KCTD1: variants seen among roughly 807,000 people sequenced by gnomAD.
KCTD1 encodes the protein BTB/POZ domain-containing protein KCTD1.
In KCTD1, 24 loss-of-function variants were observed where a neutral mutation model predicts 66.0. The ratio of observed to expected loss-of-function variants is 0.36; its 90% CI spans 0.26 to 0.51. KCTD1 has a LOEUF of 0.51. KCTD1 is among the 20% of genes least tolerant of loss of function. The pLI, the probability that KCTD1 is intolerant of heterozygous loss-of-function variation, is 0.95. For missense variants in KCTD1, 943 were observed against 1,205.2 expected (o/e 0.78, Z 3.22); for synonymous variants, 511 against 517.2 (o/e 0.99, Z 0.16).
chr18:26,593,069 A>C (rs1388024852), intron 1 of KCTD1, among the ~76,000 whole-genome samples: 1 of 152,148 alleles, frequency 6.6e-6, no homozygotes, highest in Non-Finnish European at 1.5e-5. Flanking sequence ...TGGTCTCTCC[A>C]GTCTCTCGTC....
intron 1 of KCTD1, among the ~76,000 whole-genome samples, chr18:26,637,697 G>GCGGT (rs1007836172): frequency 9.2e-5 from 14 of 152,240 alleles, no homozygotes; most frequent in African/African-American, 3.4e-4. Context: ...AGTTGATTCA[G>GCGGT]CGGTCGGCTC....
intron 1 of KCTD1, among the ~76,000 whole-genome samples, chr18:26,502,644 G>A (rs540381647): frequency 6.6e-6 from 1 of 152,188 alleles, no homozygotes; most frequent in African/African-American, 2.4e-5. Flanking sequence ...TCAATGAAGG[G>A]GTCAAACATT....
rs968619785 is a variant in KCTD1 at position 26,517,658 on chromosome 18, C to CAAAA, written c.1810-16412_1810-16409dup. On this transcript the variant is annotated intron_variant, in intron 1 of 4. Coordinates refer to ENST00000580059, the MANE Select transcript of KCTD1 (RefSeq NM_001142730.3). ...GGCAACAAGAGCGAAACTCCGTCTC[C>CAAAA]AAAAAAAAAAAAAAAAAAAAAAAAA... 1.3e-4 allele frequency among the ~76,000 whole-genome samples: 7 copies of CAAAA among 53,384 alleles called. 1 individual carries two copies. Among genetic ancestry groups the CAAAA allele is most frequent in the African/African-American group, 4.3e-4 (5 of 11,664 alleles). The allele number at this position is 53,384 out of a possible 152,430, so 35.0% of individuals were successfully genotyped here. A position where few individuals can be genotyped will look rare whatever the true frequency, so the allele number is the denominator to read the frequency against.
intron 1 of KCTD1, among the ~76,000 whole-genome samples, chr18:26,531,522 G>T (rs1203746171): frequency 6.6e-6 from 1 of 152,186 alleles, no homozygotes; most frequent in Non-Finnish European, 1.5e-5. Context: ...ACCAAAGTAT[G>T]TTTAACTTTA....
At chr18:26,610,688 GAGAAAGAGAAAGAA>G (rs545458902) in intron 1 of KCTD1, among the ~76,000 whole-genome samples, 324 of 151,652 alleles carry the variant, frequency 2.1e-3, no homozygotes, top group Non-Finnish European at 3.9e-3. Flanking sequence ...AAAGAAAAGA[GAGAAAGAGAAAGAA>G]AGAAAGAGAA....
intron 2 of KCTD1, among the ~76,000 whole-genome samples, chr18:26,482,582 G>T (rs1001355125): frequency 3.3e-5 from 5 of 152,180 alleles, no homozygotes; most frequent in Admixed American, 1.3e-4. Flanking sequence ...GCTTGAAGAG[G>T]CTGCCAATTC....
At chr18:26,600,400 C>T in intron 1 of KCTD1, 3 of 874,710 alleles carry the variant, frequency 3.4e-6, no homozygotes, top group Non-Finnish European at 5.7e-6. Context: ...CCTCAAATCC[C>T]ACCACGGTGT....
intron 1 of KCTD1, among the ~76,000 whole-genome samples, chr18:26,510,381 T>C (rs1409976290): frequency 1.3e-5 from 2 of 152,224 alleles, no homozygotes; most frequent in African/African-American, 4.8e-5. Context: ...AATAGGGTGC[T>C]TCAAAGTTGT....
chr18:26,549,192 C>A (rs1158540694), upstream of KCTD1: 2 of 985,844 alleles, frequency 2.0e-6, no homozygotes, highest in Admixed American at 6.2e-5. Context: ...GCGCAGCGGG[C>A]GAGGCTTGGG....
intron 2 of KCTD1, among the ~76,000 whole-genome samples, chr18:26,491,797 G>T (rs948828401): frequency 6.6e-6 from 1 of 152,166 alleles, no homozygotes; most frequent in Non-Finnish European, 1.5e-5. Flanking sequence ...AGAAGAAAGT[G>T]GCTTGAAATA....
upstream of KCTD1, among the ~76,000 whole-genome samples, chr18:26,643,734 G>A (rs557392475): frequency 3.9e-5 from 6 of 152,238 alleles, no homozygotes; most frequent in South Asian, 2.1e-4. Flanking sequence ...AGGCCAAGGC[G>A]GGCATATCAC....
chr18:26,630,973 G>A (rs1987606675), upstream of KCTD1, among the ~76,000 whole-genome samples: 1 of 151,888 alleles, frequency 6.6e-6, no homozygotes, highest in Non-Finnish European at 1.5e-5. Flanking sequence ...CTGCGATCTT[G>A]ATATCCTCCC....
rs368437199 is a variant in KCTD1 at position 26,476,691 on chromosome 18, A to T, written c.1989-32T>A. ...TAGAAAAGAGGGAACAGTGAAGACA[A>T]TTAGATCAATTGTTCGGGCACTAGG... On this transcript the variant is annotated intron_variant, in intron 2 of 4. Coordinates refer to ENST00000580059, the MANE Select transcript of KCTD1 (RefSeq NM_001142730.3). The surrounding 1 kb of genome is among the most constrained non-coding windows in gnomAD (Gnocchi z 4.9). 22 of 1,601,288 alleles carry T rather than the reference A, an allele frequency of 1.4e-5. No homozygotes were observed. The highest frequency in any genetic ancestry group is 4.0e-5 in the African/African-American group (3 of 74,308).
At chr18:26,635,820 C>T (rs1360050812) in intron 1 of KCTD1, among the ~76,000 whole-genome samples, 1 of 152,180 alleles carries the variant, frequency 6.6e-6, no homozygotes, top group Non-Finnish European at 1.5e-5. Context: ...TGACAGCCCT[C>T]TACACACCAG....
chr18:26,606,418 G>T (rs1376496006), intron 1 of KCTD1, among the ~76,000 whole-genome samples: 1 of 152,112 alleles, frequency 6.6e-6, no homozygotes, highest in Non-Finnish European at 1.5e-5. Context: ...TTTTAGTTTT[G>T]GTTTACACTT....
chr18:26,575,043 A>G (rs1986193005), intron 1 of KCTD1, among the ~76,000 whole-genome samples: 1 of 152,244 alleles, frequency 6.6e-6, no homozygotes, highest in African/African-American at 2.4e-5. Context: ...CTTGGAAATT[A>G]GCCCACCTGG....
intron 1 of KCTD1, among the ~76,000 whole-genome samples, chr18:26,532,649 C>T (rs972729082): frequency 2.0e-5 from 3 of 152,196 alleles, no homozygotes; most frequent in Non-Finnish European, 2.9e-5. Context: ...CCCTACCTAA[C>T]AACAGGTTGA....
intron 3 of KCTD1, among the ~76,000 whole-genome samples, chr18:26,474,106 A>C (rs1467878004): frequency 6.6e-6 from 1 of 152,224 alleles, no homozygotes; most frequent in Non-Finnish European, 1.5e-5. Flanking sequence ...CATAAATAGA[A>C]ACATACTATA....
At chr18:26,495,417 C>T (rs1343420607) in intron 2 of KCTD1, among the ~76,000 whole-genome samples, 1 of 152,254 alleles carries the variant, frequency 6.6e-6, no homozygotes, top group Non-Finnish European at 1.5e-5. Flanking sequence ...CTAACCCATC[C>T]GAGAATGACG....
Sources: gnomAD v4.1 joint callset for allele counts (sites outside exome capture counted in the v4.1 genomes callset) on GRCh38, gnomAD v4.1.1 for gene constraint, Gnocchi (gnomAD v3.1) non-coding constraint, MANE v1.5 for transcripts, NCBI Gene and HGNC (gene_info 2026-07-23, HGNC 2026-07-21) for gene names.